The following PCDHA1 variants were observed in gnomAD, a reference collection of about 807,000 sequenced individuals.
The protein encoded by PCDHA1 is protocadherin alpha-1.
In PCDHA1, 42 loss-of-function variants were observed where a neutral mutation model predicts 61.3. The ratio of observed to expected loss-of-function variants is 0.69; its 90% CI spans 0.54 to 0.89. PCDHA1 has a LOEUF of 0.89. Ranked by LOEUF, PCDHA1 falls within the 40% of genes least tolerant of loss-of-function variation. PCDHA1 has a pLI of 0.00. For synonymous variants in PCDHA1, 610 were observed against 553.8 expected, an observed-to-expected ratio of 1.10 and a Z score of -1.43; for missense variants, 1,256 against 1,235.3, an observed-to-expected ratio of 1.02 and a Z score of -0.25.
intron 1 of PCDHA1, among the ~76,000 whole-genome samples, chr5:140,895,035 C>T (rs1235775113): frequency 6.6e-6 from 1 of 152,104 alleles, no homozygotes; most frequent in East Asian, 1.9e-4. Context: ...AATTGTCCCC[C>T]ACCCACACCA....
In PCDHA1 at chr5:140,846,169, C is replaced by A. The variant is rs2150385280; in HGVS notation, c.2394+57485C>A. On this transcript the variant is annotated intron_variant, in intron 1 of 3. Coordinates refer to ENST00000504120, the MANE Select transcript of PCDHA1 (RefSeq NM_018900.4). ...AAAGTTGCCTGAGATCCTGCAGAGG[C>A]CTGAGTAGGCGTTTGAGTTCTTTGT... Among the ~76,000 whole-genome samples the A allele has an allele frequency of 6.7e-5, 10 of 149,346 alleles. 2 individuals carry two copies. Among genetic ancestry groups the A allele is most frequent in the Admixed American group, 1.3e-4 (2 of 14,894 alleles).
chr5:140,863,007 A>G (rs1554157449), intron 1 of PCDHA1: 1 of 551,416 alleles, frequency 1.8e-6, no homozygotes, highest in Non-Finnish European at 3.6e-6. Context: ...GACTCCAGCT[A>G]TGACGCCTGG....
chr5:140,836,479 A>T (rs2150261822), intron 1 of PCDHA1: 2 of 1,613,682 alleles, frequency 1.2e-6, no homozygotes, highest in South Asian at 2.2e-5. Flanking sequence ...GTCAACGTGT[A>T]CCTGATCATC....
intron 1 of PCDHA1, chr5:140,803,065 G>T (rs782285589): frequency 7.4e-6 from 12 of 1,613,962 alleles, no homozygotes; most frequent in East Asian, 6.7e-5. Flanking sequence ...ATCCCGTTTC[G>T]CGTGGGGCTG....
intron 1 of PCDHA1, chr5:140,797,196 C>T: frequency 6.2e-7 from 1 of 1,614,128 alleles, no homozygotes; most frequent in East Asian, 2.2e-5. Context: ...GCTCCAGCGC[C>T]GTGGGGAGCT....
At position 140,801,692 on chromosome 5, in the gene PCDHA1, T is replaced by A. The variant is rs782155880; in HGVS notation, c.2394+13008T>A. On this transcript the variant is annotated intron_variant, in intron 1 of 3. Transcript: ENST00000504120. ...CATCAGATGCAGATATCGGAACAAATTCGTTGTTGACTTACAGTCTTGATT... is the reference window on the plus strand; with the variant it reads ...CATCAGATGCAGATATCGGAACAAAATCGTTGTTGACTTACAGTCTTGATT... 9.9e-6 allele frequency: 16 copies of A among 1,614,070 alleles called. No individual in the cohort carries two copies. In the South Asian group the frequency reaches 1.6e-4, roughly 17 times the overall value.
intron 1 of PCDHA1, among the ~76,000 whole-genome samples, chr5:140,975,553 G>A (rs990389718): frequency 6.6e-6 from 1 of 152,226 alleles, no homozygotes; most frequent in Non-Finnish European, 1.5e-5. Flanking sequence ...TATTAGGAAG[G>A]AAAAGGAGAT....
chr5:140,950,826 G>A (rs1554219646), intron 1 of PCDHA1, among the ~76,000 whole-genome samples: 1 of 151,824 alleles, frequency 6.6e-6, no homozygotes, highest in African/African-American at 2.4e-5. Flanking sequence ...TTAAAGTTTG[G>A]TCCTTTAAGA....
chr5:141,007,678 A>T (rs1472767852), intron 3 of PCDHA1, among the ~76,000 whole-genome samples: 1 of 152,236 alleles, frequency 6.6e-6, no homozygotes, highest in Non-Finnish European at 1.5e-5. Context: ...GACAAAAGTT[A>T]TCCTACTTCC....
At chr5:140,878,028 G>A in intron 1 of PCDHA1, 1 of 666,892 alleles carries the variant, frequency 1.5e-6, no homozygotes, top group Non-Finnish European at 2.2e-6. Context: ...AAATATGTAG[G>A]TACAATGGAG....
intron 1 of PCDHA1, chr5:140,828,079 A>C: frequency 6.3e-7 from 1 of 1,579,036 alleles, no homozygotes; most frequent in Non-Finnish European, 8.6e-7. Context: ...AAATAAAACC[A>C]GAGGTATTTG....
At position 140,850,728 on chromosome 5, in the gene PCDHA1, G is replaced by T. The variant is rs2150496245; in HGVS notation, c.2394+62044G>T. The T allele has an allele frequency of 4.2e-5, 67 of 1,598,072 alleles. 6 individuals are homozygous for T. The highest frequency in any genetic ancestry group is 5.7e-5 in the Non-Finnish European group (66 of 1,167,642). On this transcript the variant is annotated intron_variant, in intron 1 of 3. Transcript: ENST00000504120. ...GCCGACGCTGGTGTGTTCTAGCGCGGTGGGGAGTTGGTCGTACTCGCAGCA... is the reference window on the plus strand; with the variant it reads ...GCCGACGCTGGTGTGTTCTAGCGCGTTGGGGAGTTGGTCGTACTCGCAGCA...
chr5:141,006,350 T>G (rs1254086807), intron 3 of PCDHA1, among the ~76,000 whole-genome samples: 2 of 152,086 alleles, frequency 1.3e-5, no homozygotes, highest in Non-Finnish European at 2.9e-5. Flanking sequence ...TAGCTGGGAC[T>G]ATAGGCGCCC....
intron 1 of PCDHA1, chr5:140,795,132 G>A (rs1761920502): frequency 6.2e-7 from 1 of 1,613,936 alleles, no homozygotes; most frequent in Non-Finnish European, 8.5e-7. Flanking sequence ...GGCTGGAGCT[G>A]GAGGAGCTGG....
chr5:140,968,682 C>T, intron 1 of PCDHA1: 1 of 1,614,128 alleles, frequency 6.2e-7, no homozygotes, highest in Non-Finnish European at 8.5e-7. Flanking sequence ...GAGCTGCACA[C>T]AGGAGAAATT....
chr5:140,939,018 T>G (rs1554212547), intron 1 of PCDHA1, among the ~76,000 whole-genome samples: 1 of 152,228 alleles, frequency 6.6e-6, no homozygotes, highest in Non-Finnish European at 1.5e-5. Context: ...TTACTTTTCT[T>G]TTACTTATTC....
At chr5:140,879,237 G>C (rs999977997) in intron 1 of PCDHA1, among the ~76,000 whole-genome samples, 14 of 152,134 alleles carry the variant, frequency 9.2e-5, no homozygotes, top group African/African-American at 3.4e-4. Context: ...TATACAAGAG[G>C]CACTGGCAAA....
intron 1 of PCDHA1, among the ~76,000 whole-genome samples, chr5:140,945,632 A>G (rs1258111936): frequency 6.6e-6 from 1 of 152,168 alleles, no homozygotes; most frequent in African/African-American, 2.4e-5. Flanking sequence ...GGCATAAAAG[A>G]CATGTAGACC....
intron 1 of PCDHA1, chr5:140,857,181 C>G (rs2044400350): frequency 6.3e-7 from 1 of 1,598,486 alleles, no homozygotes; most frequent in East Asian, 2.2e-5. Flanking sequence ...GACCATGATT[C>G]AGGAGCCAAC....
Sources: allele counts gnomAD v4.1 joint callset (sites outside exome capture counted in the v4.1 genomes callset), GRCh38; gene constraint gnomAD v4.1.1; transcripts MANE v1.5; gene names NCBI Gene and HGNC (gene_info 2026-07-23, HGNC 2026-07-21).